GLRA1: variants seen among roughly 807,000 people sequenced by gnomAD.
The protein encoded by GLRA1 is glycine receptor subunit alpha-1.
A neutral mutation model predicts 48.3 loss-of-function variants in GLRA1; 37 were observed. That is an observed-to-expected ratio of 0.77 (90% CI 0.59 to 1.01). The LOEUF is 1.01. Among genes scored for constraint, GLRA1 ranks in the 50% least tolerant of loss-of-function variants. GLRA1 has a pLI of 0.00. For synonymous variants in GLRA1, 196 were observed against 210.7 expected (o/e 0.93, Z 0.60); for missense variants, 427 against 571.0 (o/e 0.75, Z 2.57).
At position 151,898,451 on chromosome 5, in the gene GLRA1, A is replaced by G. The variant is rs1047351140; in HGVS notation, c.57-6013T>C. 3.3e-5 allele frequency among the ~76,000 whole-genome samples: 5 copies of G among 152,362 alleles called. No individual in the cohort carries two copies. The South Asian group carries it at 8.3e-4, about 25-fold the overall frequency. ...ATATAAAGCTGTCAATCTGAATTAC[A>G]GATGAGCTAGGGTTGCAGTAAGACT... On this transcript the variant is annotated intron_variant, in intron 1 of 8. Coordinates refer to ENST00000274576, the MANE Select transcript of GLRA1 (RefSeq NM_000171.4).
chr5:151,840,097 C>T (rs1763675778), intron 7 of GLRA1, among the ~76,000 whole-genome samples: 1 of 127,608 alleles, frequency 7.8e-6, no homozygotes, highest in Non-Finnish European at 1.7e-5. Context: ...CTAGAAAATA[C>T]TGTTTTTTTT....
intron 7 of GLRA1, among the ~76,000 whole-genome samples, chr5:151,843,117 A>C (rs1752543337): frequency 6.6e-6 from 1 of 152,172 alleles, no homozygotes; most frequent in Non-Finnish European, 1.5e-5. Flanking sequence ...AAATGAGAAG[A>C]AATCCCATGT....
At chr5:151,832,768 G>A (rs1355425371) in intron 7 of GLRA1, among the ~76,000 whole-genome samples, 1 of 152,128 alleles carries the variant, frequency 6.6e-6, no homozygotes, top group Non-Finnish European at 1.5e-5. Context: ...AGCAAGACAG[G>A]CCAATATTCA....
intron 1 of GLRA1, among the ~76,000 whole-genome samples, chr5:151,919,036 T>C (rs1387136154): frequency 2.0e-5 from 3 of 152,230 alleles, no homozygotes; most frequent in African/African-American, 7.2e-5. Flanking sequence ...GAGTGCATTT[T>C]AAACATTTCA....
rs559369808 is a variant in GLRA1 at position 151,826,818 on chromosome 5, A to G, written c.1059+2103T>C. On this transcript the variant is annotated intron_variant, in intron 8 of 8. Coordinates refer to ENST00000274576, the MANE Select transcript of GLRA1 (RefSeq NM_000171.4). ...CTTCAGGAGGCTCCATTCCCATTTT[A>G]GTCCATACAAACAGCATCTACTGGA... is the stretch of plus-strand genomic sequence containing the variant. Among the ~76,000 whole-genome samples, 7 of 152,302 alleles carry G rather than the reference A, an allele frequency of 4.6e-5. No homozygotes were observed. In the South Asian group the frequency reaches 6.2e-4, roughly 14 times the overall value.
At chr5:151,865,187 A>T (rs2113368982) in intron 3 of GLRA1, among the ~76,000 whole-genome samples, 1 of 152,314 alleles carries the variant, frequency 6.6e-6, no homozygotes, top group South Asian at 2.1e-4. Context: ...AACAAGAAAG[A>T]TATATTTATT....
chr5:151,831,154 C>G (rs993997380), intron 7 of GLRA1, among the ~76,000 whole-genome samples: 4 of 152,232 alleles, frequency 2.6e-5, no homozygotes, highest in African/African-American at 4.8e-5. Context: ...TTGCAACCCG[C>G]AGAAAAGGAG....
intron 7 of GLRA1, among the ~76,000 whole-genome samples, chr5:151,830,540 G>A (rs1296379410): frequency 6.6e-6 from 1 of 152,162 alleles, no homozygotes. Flanking sequence ...GGCTAACCTT[G>A]ATAGTCTGAG....
intron 1 of GLRA1, among the ~76,000 whole-genome samples, chr5:151,901,161 G>A (rs548173397): frequency 6.6e-6 from 1 of 152,268 alleles, no homozygotes; most frequent in East Asian, 1.9e-4. Context: ...TTGGACCACT[G>A]GCCTAGGTCA....
chr5:151,833,863 A>G (rs1206984384), intron 7 of GLRA1, among the ~76,000 whole-genome samples: 1 of 150,800 alleles, frequency 6.6e-6, no homozygotes, highest in Non-Finnish European at 1.5e-5. Context: ...TTAAACCAAT[A>G]AAGATCAAAA....
intron 7 of GLRA1, among the ~76,000 whole-genome samples, chr5:151,832,607 A>G (rs1296461245): frequency 5.9e-5 from 9 of 152,226 alleles, no homozygotes; most frequent in Admixed American, 2.6e-4. Flanking sequence ...AGAAAAAAGA[A>G]TGAAAAGGAA....
intron 1 of GLRA1, among the ~76,000 whole-genome samples, chr5:151,901,968 T>A (rs1312793679): frequency 6.6e-6 from 1 of 152,156 alleles, no homozygotes; most frequent in Admixed American, 6.5e-5. Flanking sequence ...TCACTATAAT[T>A]TATTGACTCT....
chr5:151,847,883 A>G (rs1752720439), intron 7 of GLRA1, among the ~76,000 whole-genome samples: 2 of 152,228 alleles, frequency 1.3e-5, no homozygotes, highest in Non-Finnish European at 2.9e-5. Flanking sequence ...TTAGAGGTGA[A>G]TGGAACAGAA....
chr5:151,919,447 T>C (rs578109737), intron 1 of GLRA1, among the ~76,000 whole-genome samples: 3 of 152,320 alleles, frequency 2.0e-5, no homozygotes, highest in Non-Finnish European at 4.4e-5. Context: ...AACTGACATA[T>C]GTATAGGATC....
At chr5:151,904,774 C>T (rs942220120) in intron 1 of GLRA1, among the ~76,000 whole-genome samples, 31 of 152,160 alleles carry the variant, frequency 2.0e-4, no homozygotes, top group African/African-American at 7.2e-4. Flanking sequence ...TTACAGTGCT[C>T]ACTTTGGTGT....
intron 7 of GLRA1, among the ~76,000 whole-genome samples, chr5:151,832,303 G>A (rs558129462): frequency 6.7e-4 from 102 of 152,262 alleles, no homozygotes; most frequent in African/African-American, 2.2e-3. Flanking sequence ...GAATGAGTTC[G>A]ACAAATTGAC....
At chr5:151,848,098 T>C (rs1187168857) in intron 7 of GLRA1, among the ~76,000 whole-genome samples, 2 of 152,228 alleles carry the variant, frequency 1.3e-5, no homozygotes, top group African/African-American at 4.8e-5. Flanking sequence ...GGCCTGAGGC[T>C]GCTATCTTAG....
intron 1 of GLRA1, among the ~76,000 whole-genome samples, chr5:151,906,251 C>T (rs79992511): frequency 0.039 from 5,885 of 152,156 alleles, 292 homozygotes; most frequent in African/African-American, 0.11. Flanking sequence ...AGTATGTTAG[C>T]AATTATTACA....
At chr5:151,898,004 T>C (rs1754264795) in intron 1 of GLRA1, among the ~76,000 whole-genome samples, 1 of 152,178 alleles carries the variant, frequency 6.6e-6, no homozygotes, top group South Asian at 2.1e-4. Context: ...ATGTTACTTC[T>C]AATGACAGAG....
Sources: gnomAD v4.1 joint callset for allele counts (sites outside exome capture counted in the v4.1 genomes callset) on GRCh38, gnomAD v4.1.1 for gene constraint, MANE v1.5 for transcripts, NCBI Gene and HGNC (gene_info 2026-07-23, HGNC 2026-07-21) for gene names.